SYTL3: variants seen among roughly 807,000 people sequenced by gnomAD.
The protein encoded by SYTL3 is synaptotagmin-like protein 3.
SYTL3 carries 88 observed loss-of-function variants against 82.1 expected under a neutral mutation model. That is an observed-to-expected ratio of 1.07 (90% confidence interval 0.90 to 1.28). The LOEUF (loss-of-function observed/expected upper bound fraction) is 1.28. Among genes scored for constraint, SYTL3 ranks in the 50% most tolerant of loss-of-function variants. The pLI is 0.00. For synonymous variants in SYTL3, 311 were observed against 289.4 expected, an observed-to-expected ratio of 1.07 and a Z score of -0.76; for missense variants, 831 against 757.6, an observed-to-expected ratio of 1.10 and a Z score of -1.14.
At chr6:158,706,466 G>A (rs1583310709) in intron 6 of SYTL3, among the ~76,000 whole-genome samples, 1 of 152,220 alleles carries the variant, frequency 6.6e-6, no homozygotes, top group South Asian at 2.1e-4. Flanking sequence ...CCCAAGCTTC[G>A]GCACAGGAGC....
chr6:158,682,843 C>A (rs1778866572), intron 5 of SYTL3, 82 bp from the exon 6 acceptor site: 3 of 1,050,994 alleles, frequency 2.9e-6, no homozygotes, highest in Admixed American at 4.2e-5. Context: ...ATTTTGTGAC[C>A]TTACCTAACC....
chr6:158,717,024 G>A (rs987829665), intron 9 of SYTL3, among the ~76,000 whole-genome samples: 2 of 152,242 alleles, frequency 1.3e-5, no homozygotes, highest in Non-Finnish European at 2.9e-5. Flanking sequence ...GCTTAAGCCT[G>A]TAATCCCAGC....
Position 158,713,864 on chromosome 6 carries a change from C to A in SYTL3, c.581C>A (p.Ala194Asp). 1 of 1,550,376 alleles carries A rather than the reference C, an allele frequency of 6.5e-7. No individual in the cohort carries two copies. The highest frequency in any genetic ancestry group is 2.0e-5 in the Admixed American group (1 of 51,006). Residue 194 changes from alanine to aspartate, a missense_variant, in exon 9 of 18, where the codon GCT becomes GAT. Transcript: ENST00000611299. Reference sequence around the variant, plus strand: ...GTGGAAAATTTGTTTCTGTCTCTTGCTACCCACGTGAAAAGTAAGTGCATG... The same window carrying A: ...GTGGAAAATTTGTTTCTGTCTCTTGATACCCACGTGAAAAGTAAGTGCATG... ...KSVENLFLSL[A>D]THVKKLSKSQ...
At chr6:158,665,083 T>G (rs770164742) in intron 4 of SYTL3, among the ~76,000 whole-genome samples, 43 of 152,218 alleles carry the variant, frequency 2.8e-4, no homozygotes, top group Non-Finnish European at 5.1e-4. Context: ...ATAACAGCCT[T>G]TGGGCAGGAA....
At chr6:158,746,576 C>T (rs924524532) in intron 12 of SYTL3, among the ~76,000 whole-genome samples, 1 of 151,494 alleles carries the variant, frequency 6.6e-6, no homozygotes, top group Admixed American at 6.6e-5. Context: ...AGTGATTCTC[C>T]TGCCTCAGTC....
chr6:158,645,043 C>A (rs774307014), upstream of SYTL3, among the ~76,000 whole-genome samples: 4 of 152,196 alleles, frequency 2.6e-5, no homozygotes, highest in African/African-American at 7.2e-5. Context: ...GTGGTCCCGG[C>A]CCCTCCTCCG....
At chr6:158,680,541 C>A (rs891084083) in intron 5 of SYTL3, among the ~76,000 whole-genome samples, 7 of 139,444 alleles carry the variant, frequency 5.0e-5, no homozygotes, top group Non-Finnish European at 1.1e-4. Context: ...CAGTTTGAGA[C>A]CAGACTGGGC....
chr6:158,646,832 G>T (rs530604869), upstream of SYTL3, among the ~76,000 whole-genome samples: 1 of 152,124 alleles, frequency 6.6e-6, no homozygotes, highest in Non-Finnish European at 1.5e-5. Context: ...TGCTTTGCCT[G>T]CCTGCCCTTC....
At chr6:158,749,340 A>G in intron 12 of SYTL3, among the ~76,000 whole-genome samples, 1 of 146,482 alleles carries the variant, frequency 6.8e-6, no homozygotes, top group South Asian at 2.2e-4. Flanking sequence ...ATTGTGAGCT[A>G]AGATTGTGCC....
intron 10 of SYTL3, among the ~76,000 whole-genome samples, chr6:158,723,089 CTTTTTTTTT>C (rs745395918): frequency 1.1e-5 from 1 of 89,862 alleles, no homozygotes; most frequent in Non-Finnish European, 2.1e-5. Context: ...AACAGCTACT[CTTTTTTTTT>C]TTTTTTTTTT....
intron 11 of SYTL3, among the ~76,000 whole-genome samples, chr6:158,743,598 CTTTTTTT>C (rs397887964): frequency 1.3e-4 from 8 of 63,080 alleles, no homozygotes; most frequent in Non-Finnish European, 3.0e-5. Context: ...CCAGTCCAAG[CTTTTTTT>C]TTTTTTTTTT....
intron 12 of SYTL3, among the ~76,000 whole-genome samples, chr6:158,750,682 T>A (rs1788279559): frequency 6.6e-6 from 1 of 152,078 alleles, no homozygotes; most frequent in South Asian, 2.1e-4. Flanking sequence ...CACACCCAGT[T>A]GACTTTTAAA....
intron 6 of SYTL3, among the ~76,000 whole-genome samples, chr6:158,704,613 T>G (rs1002096308): frequency 2.0e-5 from 3 of 151,728 alleles, no homozygotes; most frequent in East Asian, 3.9e-4. Flanking sequence ...TTTGCTGGAG[T>G]GAAAGGGCAA....
intron 5 of SYTL3, among the ~76,000 whole-genome samples, chr6:158,670,613 A>G (rs1282690012): frequency 6.6e-6 from 1 of 151,404 alleles, no homozygotes; most frequent in Non-Finnish European, 1.5e-5. Flanking sequence ...GAAACCCCAT[A>G]TCTACTGAAA....
intron 5 of SYTL3, among the ~76,000 whole-genome samples, chr6:158,679,010 A>C (rs1778361881): frequency 6.6e-6 from 1 of 152,146 alleles, no homozygotes; most frequent in Non-Finnish European, 1.5e-5. Context: ...CCTAACATGG[A>C]CAGAGACTAC....
At chr6:158,693,632 G>A (rs1049553069) in intron 6 of SYTL3, among the ~76,000 whole-genome samples, 32 of 151,990 alleles carry the variant, frequency 2.1e-4, no homozygotes, top group African/African-American at 7.5e-4. Flanking sequence ...TGATCCACCT[G>A]CCTCAGCTTC....
chr6:158,723,163 C>T (rs1323360512), intron 10 of SYTL3, among the ~76,000 whole-genome samples: 1 of 137,518 alleles, frequency 7.3e-6, no homozygotes, highest in Non-Finnish European at 1.5e-5. Flanking sequence ...GTCATGATCT[C>T]GACTCACTGC....
intron 12 of SYTL3, among the ~76,000 whole-genome samples, chr6:158,745,980 A>G (rs938149305): frequency 1.3e-5 from 2 of 152,178 alleles, no homozygotes; most frequent in African/African-American, 2.4e-5. Flanking sequence ...CAAGACAAAT[A>G]CATATCTCAC....
intron 11 of SYTL3, among the ~76,000 whole-genome samples, chr6:158,730,736 A>T (rs548299913): frequency 1.3e-5 from 2 of 152,026 alleles, no homozygotes; most frequent in African/African-American, 2.4e-5. Context: ...CTGGTAAAAT[A>T]TTTCCTTGGT....
Sources: allele counts gnomAD v4.1 joint callset (sites outside exome capture counted in the v4.1 genomes callset), GRCh38; gene constraint gnomAD v4.1.1; transcripts MANE v1.5; gene names NCBI Gene and HGNC (gene_info 2026-07-23, HGNC 2026-07-21).